The following TRAPPC9 variants were observed in gnomAD, a reference collection of about 807,000 sequenced individuals.
TRAPPC9 encodes the protein trafficking protein particle complex subunit 9.
In TRAPPC9, 83 loss-of-function variants were observed where a neutral mutation model predicts 124.0. The ratio of observed to expected loss-of-function variants is 0.67; its 90% CI spans 0.56 to 0.80. The LOEUF (loss-of-function observed/expected upper bound fraction) is 0.80, where lower values mean the gene tolerates loss of function less well. TRAPPC9 is among the 30% of genes least tolerant of loss of function. The pLI, the probability that TRAPPC9 is intolerant of heterozygous loss-of-function variation, is 0.00. For synonymous variants in TRAPPC9, 638 were observed against 617.5 expected (o/e 1.03, Z -0.49); for missense variants, 1,302 against 1,508.3 (o/e 0.86, Z 2.27).
chr8:139,844,540 G>A lies in TRAPPC9; in HGVS notation c.3055+41339C>T, dbSNP rs1826945449. The stretch of plus-strand genomic sequence containing the variant: ...GCCCTGTGCAGGGCGGGCAGTGGGT[G>A]AGGACTGCTCTATGGCTGGGCTGGT... On this transcript the variant is annotated intron_variant, in intron 21 of 22. Coordinates refer to ENST00000438773, the MANE Select transcript of TRAPPC9 (RefSeq NM_001160372.4). Among the ~76,000 whole-genome samples, 3 of 152,258 alleles carry A rather than the reference G, an allele frequency of 2.0e-5. No individual in the cohort carries two copies. In the South Asian group the frequency reaches 6.2e-4, roughly 31 times the overall value.
chr8:140,193,406 G>A (rs1441696401), intron 17 of TRAPPC9, among the ~76,000 whole-genome samples: 1 of 152,138 alleles, frequency 6.6e-6, no homozygotes, highest in Non-Finnish European at 1.5e-5. Flanking sequence ...GAAGCTTCAT[G>A]TTGTAGGCAT....
intron 2 of TRAPPC9, among the ~76,000 whole-genome samples, chr8:140,443,557 C>T (rs2071124531): frequency 6.6e-6 from 1 of 151,956 alleles, no homozygotes; most frequent in East Asian, 1.9e-4. Context: ...AGTAAGTATA[C>T]TAAAAGGTGC....
intron 21 of TRAPPC9, among the ~76,000 whole-genome samples, chr8:139,749,263 G>T (rs1020504972): frequency 1.3e-5 from 2 of 152,134 alleles, no homozygotes; most frequent in Admixed American, 1.3e-4. Flanking sequence ...GGCCTGCATG[G>T]CCCACACGGG....
At position 140,031,940 on chromosome 8, in the gene TRAPPC9, A is replaced by C. The variant is rs945379562; in HGVS notation, c.2557-7861T>G. On this transcript the variant is annotated intron_variant, in intron 17 of 22. Transcript: ENST00000438773. ...GTTGAAAGTCTGGTTTAGGATACTA[A>C]GGAGAGCATCAAGTCAGAGAGTCGA... Among the ~76,000 whole-genome samples the C allele has an allele frequency of 2.6e-5, 4 of 152,336 alleles. No individual in the cohort carries two copies. The East Asian group carries it at 7.7e-4, about 29-fold the overall frequency.
intron 19 of TRAPPC9, among the ~76,000 whole-genome samples, chr8:139,947,894 G>GTGTGTGTATATATA (rs1554678277): frequency 1.8e-4 from 12 of 65,858 alleles, no homozygotes; most frequent in African/African-American, 6.4e-4. Context: ...AAATATGTGT[G>GTGTGTGTATATATA]TATATATATA....
At chr8:140,409,258 C>T (rs943048962) in intron 5 of TRAPPC9, among the ~76,000 whole-genome samples, 6 of 151,888 alleles carry the variant, frequency 4.0e-5, no homozygotes, top group South Asian at 4.2e-4. Flanking sequence ...GTAAGAGATG[C>T]CATTTGTCAC....
intron 15 of TRAPPC9, among the ~76,000 whole-genome samples, chr8:140,272,431 GGTA>G (rs1194880528): frequency 1.3e-5 from 2 of 151,198 alleles, no homozygotes; most frequent in Non-Finnish European, 3.0e-5. Flanking sequence ...TGGTGGTGAT[GGTA>G]GTGATGGTGG....
chr8:140,253,802 T>A (rs1217493599), intron 15 of TRAPPC9, among the ~76,000 whole-genome samples: 4 of 152,198 alleles, frequency 2.6e-5, no homozygotes, highest in Admixed American at 6.5e-5. Context: ...GTCTTGAATG[T>A]TAGAGTCACA....
intron 9 of TRAPPC9, among the ~76,000 whole-genome samples, chr8:140,348,504 C>T (rs574212564): frequency 2.0e-5 from 3 of 152,056 alleles, no homozygotes; most frequent in Non-Finnish European, 2.9e-5. Context: ...CCAGGAAGCC[C>T]CCTCCTGATG....
Position 140,271,024 on chromosome 8 carries a change from A to G in TRAPPC9, c.2278+4634T>C, listed in dbSNP as rs192214011. ...ATTACCACAGAGTTTATTTGAGGTA[A>G]GGAAAAAATGTTTTCCAGTTGCTAA... On this transcript the variant is annotated intron_variant, in intron 15 of 22. Transcript: ENST00000438773. Among the ~76,000 whole-genome samples, 6 of 152,380 alleles carry G rather than the reference A, an allele frequency of 3.9e-5. No homozygotes were observed. In the East Asian group the frequency reaches 1.2e-3, roughly 29 times the overall value.
At chr8:139,856,603 C>T (rs775383641) in intron 21 of TRAPPC9, among the ~76,000 whole-genome samples, 7 of 151,990 alleles carry the variant, frequency 4.6e-5, no homozygotes, top group East Asian at 1.9e-4. Flanking sequence ...CGGGGGGTGG[C>T]GTGCAAAATG....
chr8:140,415,245 GA>G (rs1265934906), intron 5 of TRAPPC9, among the ~76,000 whole-genome samples: 2 of 151,310 alleles, frequency 1.3e-5, no homozygotes, highest in East Asian at 1.9e-4. Flanking sequence ...AAAATAATTG[GA>G]AAAAAAATAC....
chr8:140,124,444 G>A (rs891982569), intron 17 of TRAPPC9, among the ~76,000 whole-genome samples: 7 of 152,230 alleles, frequency 4.6e-5, no homozygotes, highest in African/African-American at 1.2e-4. Flanking sequence ...ATCCAGGATC[G>A]CCTCCCCTTC....
intron 8 of TRAPPC9, among the ~76,000 whole-genome samples, chr8:140,363,515 T>C (rs2068016333): frequency 6.6e-6 from 1 of 152,170 alleles, no homozygotes. Flanking sequence ...CAGCTGACAT[T>C]TATCATTTTT....
chr8:140,014,145 TGTC>T (rs1409697661), intron 18 of TRAPPC9, among the ~76,000 whole-genome samples: 1 of 152,150 alleles, frequency 6.6e-6, no homozygotes, highest in Non-Finnish European at 1.5e-5. Flanking sequence ...CTATCAATAA[TGTC>T]GTAACGATTA....
At chr8:139,952,299 T>C (rs550078786) in intron 19 of TRAPPC9, among the ~76,000 whole-genome samples, 161 of 152,122 alleles carry the variant, frequency 1.1e-3, no homozygotes, top group Non-Finnish European at 1.5e-3. Flanking sequence ...AAAGAGGAAA[T>C]CATTTTATTA....
Position 140,262,138 on chromosome 8 carries a change from A to C in TRAPPC9, c.2279-9209T>G, listed in dbSNP as rs114246773. Among the ~76,000 whole-genome samples the C allele has an allele frequency of 2.4e-3, 368 of 152,286 alleles. 3 individuals are homozygous for C. The highest frequency in any genetic ancestry group is 8.3e-3 in the African/African-American group (344 of 41,550). Reference sequence around the variant, plus strand: ...GCCAGGATTCAACACTCTGCTCTACAACCTACCCCTTAGTAAGTTCACTGG... The same window carrying C: ...GCCAGGATTCAACACTCTGCTCTACCACCTACCCCTTAGTAAGTTCACTGG... On this transcript the variant is annotated intron_variant, in intron 15 of 22. Transcript: ENST00000438773.
chr8:140,012,610 C>G (rs967897985), intron 18 of TRAPPC9, among the ~76,000 whole-genome samples: 1 of 152,204 alleles, frequency 6.6e-6, no homozygotes, highest in African/African-American at 2.4e-5. Flanking sequence ...CCTCCAAAAC[C>G]CAGGTCCTCC....
At chr8:140,027,041 A>G (rs182073012) in intron 17 of TRAPPC9, among the ~76,000 whole-genome samples, 60 of 152,180 alleles carry the variant, frequency 3.9e-4, no homozygotes, top group Non-Finnish European at 4.3e-4. Context: ...AGAAGGTGAG[A>G]CTCGACACAC....
Sources: allele counts gnomAD v4.1 joint callset (sites outside exome capture counted in the v4.1 genomes callset), GRCh38; gene constraint gnomAD v4.1.1; transcripts MANE v1.5; gene names NCBI Gene and HGNC (gene_info 2026-07-23, HGNC 2026-07-21).